The following ABCC5 variants were observed in gnomAD, a reference collection of about 807,000 sequenced individuals.
ABCC5 encodes ATP-binding cassette sub-family C member 5.
ABCC5 carries 61 observed loss-of-function variants against 160.9 expected under a neutral mutation model. That is an observed-to-expected ratio of 0.38 (90% CI 0.31 to 0.47). ABCC5 has a LOEUF of 0.47. ABCC5 is among the 20% of genes least tolerant of loss of function. The pLI, the probability that ABCC5 is intolerant of heterozygous loss-of-function variation, is 0.99. For synonymous variants in ABCC5, 666 were observed against 700.6 expected (o/e 0.95, Z 0.78); for missense variants, 1,308 against 1,813.3 (o/e 0.72, Z 5.06).
chr3:183,974,099 GAAC>G (rs1208048010), intron 10 of ABCC5, among the ~76,000 whole-genome samples: 1 of 152,096 alleles, frequency 6.6e-6, no homozygotes, highest in Non-Finnish European at 1.5e-5. Flanking sequence ...GCACCTGTCA[GAAC>G]AACAGAATCT....
chr3:183,926,537 G>A (rs1278018909), intron 28 of ABCC5, among the ~76,000 whole-genome samples: 1 of 151,534 alleles, frequency 6.6e-6, no homozygotes, highest in East Asian at 2.0e-4. Flanking sequence ...GTGGCAGAGT[G>A]AGACTCTGTC....
At chr3:184,010,889 T>G (rs1721680064) in intron 2 of ABCC5, among the ~76,000 whole-genome samples, 1 of 150,364 alleles carries the variant, frequency 6.7e-6, no homozygotes, top group Non-Finnish European at 1.5e-5. Context: ...CTTCCGCCTC[T>G]CAGGTTCAAG....
intron 2 of ABCC5, among the ~76,000 whole-genome samples, chr3:184,012,944 A>C (rs1721880839): frequency 1.3e-5 from 2 of 152,242 alleles, no homozygotes; most frequent in South Asian, 2.1e-4. Flanking sequence ...GGCCAGTGTC[A>C]GCTGCAAAGT....
At chr3:183,981,633 C>T (rs55695073) in intron 8 of ABCC5, 94 bp downstream of exon 8, 168,189 of 1,342,186 alleles carry the variant, frequency 0.13, 11,888 homozygotes, top group East Asian at 0.31. Context: ...AGTCCTAGTA[C>T]GTAATGTGCT....
chr3:183,926,184 A>C (rs1223802185), intron 28 of ABCC5, among the ~76,000 whole-genome samples: 2 of 150,498 alleles, frequency 1.3e-5, no homozygotes, highest in Non-Finnish European at 3.0e-5. Flanking sequence ...TATATGTAAA[A>C]ACATCCTTTT....
intron 25 of ABCC5, among the ~76,000 whole-genome samples, chr3:183,940,848 G>GTTATGA (rs1553913822): frequency 6.6e-6 from 1 of 150,978 alleles, no homozygotes; most frequent in Non-Finnish European, 1.5e-5. Context: ...TGTAAATCAG[G>GTTATGA]TTATTATTAT....
intron 10 of ABCC5, among the ~76,000 whole-genome samples, chr3:183,976,072 A>C (rs1453880488): frequency 7.7e-6 from 1 of 129,274 alleles, no homozygotes; most frequent in Non-Finnish European, 1.6e-5. Context: ...CCATTAGGCC[A>C]TTTTTTTTCA....
rs371229313 is a variant in ABCC5, at chr3:183,949,937, C to T, written c.3098+35G>A. 4.3e-5 allele frequency: 69 copies of T among 1,613,808 alleles called. No homozygotes were observed. The highest frequency in any genetic ancestry group is 1.6e-4 in the Middle Eastern group (1 of 6,084). The stretch of plus-strand genomic sequence containing the variant: ...ACCTACCCAGCAACTGAGGCTTCTC[C>T]GTGGCCCCAGCAGACATGAACGCTT... On this transcript the variant is annotated intron_variant, in intron 21 of 29. Transcript: ENST00000334444. This position sits in a 1 kb window ranked among gnomAD's most constrained non-coding sequence, Gnocchi z 4.2.
At chr3:183,979,344 C>CA (rs574015878) in intron 8 of ABCC5, among the ~76,000 whole-genome samples, 18,874 of 107,530 alleles carry the variant, frequency 0.18, 1,404 homozygotes, top group East Asian at 0.39. Context: ...GGCCTTATCT[C>CA]AAAAAAAAAA....
intron 5 of ABCC5, among the ~76,000 whole-genome samples, chr3:183,983,225 A>C (rs114566108): frequency 2.2e-3 from 332 of 152,362 alleles, no homozygotes; most frequent in African/African-American, 7.9e-3. Flanking sequence ...TCTTCCTTAC[A>C]GGACATCATC....
rs201211187 is a variant in ABCC5 at position 183,950,120 on chromosome 3, C to T, written c.2950G>A (p.Val984Met). The change falls in exon 21 of 30, where the codon GTG (valine) becomes ATG (methionine). Residue 984 changes from valine (V) to methionine (M), a missense_variant. Around this residue, in one of 3 missense-constraint regions of ABCC5, gnomAD observed 1,142 missense variants for 1,527.1 expected, o/e 0.75. Coordinates refer to ENST00000334444, the MANE Select transcript of ABCC5 (RefSeq NM_005688.4). ...RFSKDMDEVD[V>M]RLPFQAEMFI... Reference sequence around the variant, plus strand: ...ATCTCGGCCTGGAACGGCAGCCGCACGTCAACTGTGGAAACAAATAAAGGA... The same window carrying T: ...ATCTCGGCCTGGAACGGCAGCCGCATGTCAACTGTGGAAACAAATAAAGGA... 14 of 1,611,604 alleles carry T rather than the reference C, an allele frequency of 8.7e-6. No homozygotes were observed. In the East Asian group the frequency reaches 1.1e-4, roughly 13 times the overall value.
chr3:183,988,492 A>C lies in ABCC5; in HGVS notation c.443+80T>G. On this transcript the variant is annotated intron_variant, in intron 4 of 29. Coordinates refer to ENST00000334444, the MANE Select transcript of ABCC5 (RefSeq NM_005688.4). The surrounding 1 kb of genome is among the most constrained non-coding windows in gnomAD (Gnocchi z 4.4). ...GGACAGCTCGGCTCTTTAAAGACAC[A>C]GAGCTGTGGACTTCACACTCCTAGC... 2.0e-6 allele frequency: 3 copies of C among 1,510,646 alleles called. No individual in the cohort carries two copies. The highest frequency in any genetic ancestry group is 2.7e-6 in the Non-Finnish European group (3 of 1,129,124). The allele number at this position is 1,510,646 out of a possible 1,614,324, so 93.6% of individuals were successfully genotyped here.
rs764842709 is a variant in ABCC5, at chr3:183,921,419, G to A, written c.4213-18C>T. On this transcript the variant is annotated intron_variant, in intron 29 of 29. Coordinates refer to ENST00000334444, the MANE Select transcript of ABCC5 (RefSeq NM_005688.4). The surrounding 1 kb of genome is among the most constrained non-coding windows in gnomAD (Gnocchi z 4.1). ...TCCACCACCTGCAAAAGAAGGAGAC[G>A]CCGTCAGGACACAGCTCTGGGTCAT... 33 of 1,610,162 alleles carry A rather than the reference G, an allele frequency of 2.0e-5. No homozygotes were observed. The South Asian group carries it at 2.8e-4, about 13-fold the overall frequency.
At chr3:183,958,324 A>C (rs750202604) in intron 17 of ABCC5, among the ~76,000 whole-genome samples, 18 of 152,174 alleles carry the variant, frequency 1.2e-4, no homozygotes, top group Non-Finnish European at 1.8e-4. Context: ...TCTTTACACA[A>C]ATAATGTTTA....
intron 26 of ABCC5, among the ~76,000 whole-genome samples, chr3:183,931,818 G>C (rs1251526482): frequency 6.6e-6 from 1 of 152,232 alleles, no homozygotes; most frequent in Non-Finnish European, 1.5e-5. Flanking sequence ...CCCCTCATTA[G>C]AGAAGCCAGA....
chr3:183,946,167 G>A (rs1243089047), intron 23 of ABCC5, among the ~76,000 whole-genome samples: 1 of 152,172 alleles, frequency 6.6e-6, no homozygotes, highest in East Asian at 1.9e-4. Context: ...CCACTTCCTT[G>A]TACCCAAAGC....
At chr3:183,983,503 T>C (rs1295310335) in intron 5 of ABCC5, 1 of 178,084 alleles carries the variant, frequency 5.6e-6, no homozygotes, top group Non-Finnish European at 1.2e-5. Context: ...AGCAGTTTAA[T>C]AGTACAGAAG....
intron 10 of ABCC5, among the ~76,000 whole-genome samples, chr3:183,972,920 A>G (rs544261524): frequency 6.6e-6 from 1 of 152,320 alleles, no homozygotes; most frequent in East Asian, 1.9e-4. Flanking sequence ...TGCTGGGATT[A>G]CAGGCGTGAG....
Position 183,927,460 on chromosome 3 carries a change from T to C in ABCC5, c.3934-17A>G, listed in dbSNP as rs1229427846. 6.2e-7 allele frequency: 1 copy of C among 1,604,186 alleles called. No individual in the cohort carries two copies. Among genetic ancestry groups the C allele is most frequent in the Non-Finnish European group, 8.5e-7 (1 of 1,174,426 alleles). ...CTGAGCAATCTAGGGAGAAAGAAAC[T>C]AGAGATCAGAGGGGTAAGAAACTAA... On this transcript the variant is annotated splice_polypyrimidine_tract_variant and intron_variant, in intron 27 of 29. Transcript: ENST00000334444.
Sources: gnomAD v4.1 joint callset for allele counts (sites outside exome capture counted in the v4.1 genomes callset) on GRCh38, gnomAD v4.1.1 for gene constraint, gnomAD v4.1.1 regional missense constraint, Gnocchi (gnomAD v3.1) non-coding constraint, MANE v1.5 for transcripts, NCBI Gene and HGNC (gene_info 2026-07-23, HGNC 2026-07-21) for gene names.